The following KCNMB2 variants were observed in gnomAD, a reference collection of about 807,000 sequenced individuals.
KCNMB2 encodes potassium calcium-activated channel subfamily M regulatory beta subunit 2.
Under a neutral mutation model 24.5 loss-of-function variants are expected in KCNMB2, and 9 were observed. The observed-to-expected ratio is 0.37, with a 90% CI of 0.22 to 0.64. The LOEUF (loss-of-function observed/expected upper bound fraction) is 0.64. KCNMB2 is among the 30% of genes least tolerant of loss of function. The pLI is 0.63. For synonymous variants in KCNMB2, 109 were observed against 104.4 expected (o/e 1.04, Z -0.27); for missense variants, 226 against 284.3 (o/e 0.79, Z 1.47).
chr3:178,560,053 A>G (rs1716259295), intron 1 of KCNMB2, among the ~76,000 whole-genome samples: 1 of 147,914 alleles, frequency 6.8e-6, no homozygotes, highest in Admixed American at 6.8e-5. Context: ...TTTTTATTAA[A>G]CAGGGAAAAT....
intron 1 of KCNMB2, among the ~76,000 whole-genome samples, chr3:178,572,831 A>C (rs555340314): frequency 7.9e-5 from 12 of 152,336 alleles, no homozygotes; most frequent in African/African-American, 2.6e-4. Context: ...GACTTTAAAG[A>C]ATAAAAACCT....
intron 1 of KCNMB2, among the ~76,000 whole-genome samples, chr3:178,738,847 T>C (rs1010964937): frequency 3.3e-5 from 5 of 152,182 alleles, no homozygotes; most frequent in Non-Finnish European, 5.9e-5. Context: ...AACATACCGA[T>C]GTCTGTTCTC....
At chr3:178,809,323 T>C (rs974374230) in intron 2 of KCNMB2, among the ~76,000 whole-genome samples, 1 of 152,170 alleles carries the variant, frequency 6.6e-6, no homozygotes, top group African/African-American at 2.4e-5. Context: ...TTCTATTTAC[T>C]CTCAGCAAAT....
At chr3:178,752,294 G>A (rs1723877418) in intron 1 of KCNMB2, among the ~76,000 whole-genome samples, 1 of 152,190 alleles carries the variant, frequency 6.6e-6, no homozygotes, top group Non-Finnish European at 1.5e-5. Context: ...AAATGACATT[G>A]AGCTGCGCCT....
At chr3:178,735,159 G>C (rs1723275744) in intron 1 of KCNMB2, among the ~76,000 whole-genome samples, 1 of 152,224 alleles carries the variant, frequency 6.6e-6, no homozygotes, top group African/African-American at 2.4e-5. Flanking sequence ...CACTCCTTAT[G>C]AAGTAAGATA....
At chr3:178,780,124 G>A (rs1317247687) in intron 1 of KCNMB2, among the ~76,000 whole-genome samples, 4 of 149,404 alleles carry the variant, frequency 2.7e-5, no homozygotes, top group African/African-American at 9.9e-5. Context: ...ATTCATTTCA[G>A]CTGTTGTCCT....
At chr3:178,739,943 A>G (rs891418079) in intron 1 of KCNMB2, among the ~76,000 whole-genome samples, 1 of 152,192 alleles carries the variant, frequency 6.6e-6, no homozygotes, top group Non-Finnish European at 1.5e-5. Context: ...TCCTGCTGAC[A>G]TGGGACAGCT....
intron 1 of KCNMB2, among the ~76,000 whole-genome samples, chr3:178,606,023 T>A (rs1718258803): frequency 6.6e-6 from 1 of 152,188 alleles, no homozygotes. Context: ...TGTGTGGGCA[T>A]AAACTGTAGA....
chr3:178,615,018 T>C (rs1392747306), intron 1 of KCNMB2, among the ~76,000 whole-genome samples: 1 of 152,226 alleles, frequency 6.6e-6, no homozygotes, highest in Non-Finnish European at 1.5e-5. Context: ...TCTTGCAGAC[T>C]CATAGAAGTG....
rs527718640 is a variant in KCNMB2, at chr3:178,612,056, G to C, written c.-68+75345G>C. 1.1e-4 allele frequency among the ~76,000 whole-genome samples: 16 copies of C among 152,162 alleles called. No homozygotes were observed. The South Asian group carries it at 3.3e-3, about 32-fold the overall frequency. The stretch of plus-strand genomic sequence containing the variant: ...TGTTTCATTTTCACGTATTTGTATA[G>C]TTTCCAAAATTTTTCTTGTTATTAA... On this transcript the variant is annotated intron_variant, in intron 1 of 4. Coordinates refer to ENST00000452583, the MANE Select transcript of KCNMB2 (RefSeq NM_181361.3).
chr3:178,724,777 T>C (rs1376184297), intron 1 of KCNMB2, among the ~76,000 whole-genome samples: 2 of 152,148 alleles, frequency 1.3e-5, no homozygotes, highest in African/African-American at 4.8e-5. Context: ...CCCCACTGTT[T>C]ATTTTTGTTA....
At chr3:178,577,856 C>T (rs555918700) in intron 1 of KCNMB2, among the ~76,000 whole-genome samples, 2 of 152,112 alleles carry the variant, frequency 1.3e-5, no homozygotes, top group African/African-American at 2.4e-5. Flanking sequence ...AGAACAAAGC[C>T]TCCAAGAAAT....
At chr3:178,835,015 C>T (rs746216715) in intron 4 of KCNMB2, among the ~76,000 whole-genome samples, 8 of 151,842 alleles carry the variant, frequency 5.3e-5, no homozygotes, top group Non-Finnish European at 8.8e-5. Context: ...TAATTGGATA[C>T]ATCAGAATCC....
At chr3:178,570,009 C>T (rs1402182255) in intron 1 of KCNMB2, among the ~76,000 whole-genome samples, 1 of 152,118 alleles carries the variant, frequency 6.6e-6, no homozygotes, top group Non-Finnish European at 1.5e-5. Context: ...ACTCCTGGCA[C>T]GGAGCAAGAT....
chr3:178,756,795 G>A (rs758803953), intron 1 of KCNMB2, among the ~76,000 whole-genome samples: 1 of 152,104 alleles, frequency 6.6e-6, no homozygotes, highest in Admixed American at 6.6e-5. Flanking sequence ...ATTGTGGATT[G>A]CTTAGCATTG....
chr3:178,642,339 C>A (rs1719757354), intron 1 of KCNMB2, among the ~76,000 whole-genome samples: 1 of 152,106 alleles, frequency 6.6e-6, no homozygotes. Flanking sequence ...TCTAACCAGG[C>A]TTATGAATTA....
chr3:178,581,177 C>T (rs1429926190), intron 1 of KCNMB2, among the ~76,000 whole-genome samples: 1 of 152,064 alleles, frequency 6.6e-6, no homozygotes, highest in African/African-American at 2.4e-5. Flanking sequence ...AGAGATAGAC[C>T]AATGGAACAA....
At chr3:178,815,946 T>C (rs753710772) in intron 2 of KCNMB2, among the ~76,000 whole-genome samples, 6 of 151,924 alleles carry the variant, frequency 3.9e-5, no homozygotes, top group Non-Finnish European at 2.9e-5. Flanking sequence ...ATTTCACGTT[T>C]ATGTTTGTGA....
chr3:178,556,099 G>A (rs75227497), intron 1 of KCNMB2, among the ~76,000 whole-genome samples: 2,891 of 152,254 alleles, frequency 0.019, 75 homozygotes, highest in African/African-American at 0.067. Flanking sequence ...CAGAAAACTG[G>A]AAGGACAGTG....
Sources: gnomAD v4.1 joint callset for allele counts (sites outside exome capture counted in the v4.1 genomes callset) on GRCh38, gnomAD v4.1.1 for gene constraint, MANE v1.5 for transcripts, NCBI Gene and HGNC (gene_info 2026-07-23, HGNC 2026-07-21) for gene names.